The following ALK variants were observed in gnomAD, a reference collection of about 807,000 sequenced individuals.
The protein encoded by ALK is ALK receptor tyrosine kinase.
A neutral mutation model predicts 163.1 loss-of-function variants in ALK; 74 were observed. That is an observed-to-expected ratio of 0.45 (90% CI 0.38 to 0.55). The LOEUF is 0.55. Among genes scored for constraint, ALK ranks in the 20% least tolerant of loss-of-function variants. The probability of loss-of-function intolerance (pLI) is 0.00; values close to 1 mark genes in which losing one functional copy is unlikely to be tolerated. For missense variants in ALK, 2,063 were observed against 2,105.3 expected, an observed-to-expected ratio of 0.98 and a Z score of 0.39; for synonymous variants, 960 against 843.2, an observed-to-expected ratio of 1.14 and a Z score of -2.40.
intron 26 of ALK, among the ~76,000 whole-genome samples, chr2:29,204,978 C>G (rs575514768): frequency 6.6e-6 from 1 of 151,958 alleles, no homozygotes; most frequent in East Asian, 2.0e-4. Context: ...TCTCTTTTCC[C>G]CTCTGACCCA....
At chr2:29,383,645 A>T (rs1385421815) in intron 5 of ALK, 87 bp downstream of exon 5, 6 of 1,578,308 alleles carry the variant, frequency 3.8e-6, no homozygotes, top group Non-Finnish European at 5.2e-6. Context: ...ATAAGTGTGC[A>T]CATTCCCAGC....
intron 1 of ALK, among the ~76,000 whole-genome samples, chr2:29,889,403 C>T (rs568860539): frequency 6.6e-6 from 1 of 152,000 alleles, no homozygotes; most frequent in East Asian, 1.9e-4. Flanking sequence ...GAAATGTAAA[C>T]CTCTTGATAA....
chr2:29,329,999 G>A (rs1667392319), intron 5 of ALK, among the ~76,000 whole-genome samples: 1 of 152,198 alleles, frequency 6.6e-6, no homozygotes, highest in African/African-American at 2.4e-5. Context: ...AGGAGATGCT[G>A]GAGGTGGCCT....
chr2:29,245,467 C>T (rs1210918101), intron 12 of ALK, among the ~76,000 whole-genome samples: 1 of 148,144 alleles, frequency 6.8e-6, no homozygotes, highest in Non-Finnish European at 1.5e-5. Context: ...GGCTCCATGG[C>T]TCAGTGCCCT....
intron 4 of ALK, among the ~76,000 whole-genome samples, chr2:29,419,508 T>A (rs1219651475): frequency 2.0e-5 from 3 of 151,186 alleles, no homozygotes; most frequent in Admixed American, 6.6e-5. Context: ...TATAGAAAGG[T>A]TACAGAATTG....
chr2:29,408,282 G>T (rs1437705050), intron 4 of ALK, among the ~76,000 whole-genome samples: 4 of 151,714 alleles, frequency 2.6e-5, no homozygotes, highest in African/African-American at 9.7e-5. Context: ...TAGAGACAGG[G>T]TTCCACTGTG....
At chr2:29,684,797 A>G (rs1034135582) in intron 3 of ALK, among the ~76,000 whole-genome samples, 1 of 152,268 alleles carries the variant, frequency 6.6e-6, no homozygotes, top group African/African-American at 2.4e-5. Flanking sequence ...AGAGCTTGTC[A>G]TAATGGTAAG....
intron 1 of ALK, among the ~76,000 whole-genome samples, chr2:29,844,859 G>GCACACACACA (rs34706620): frequency 5.4e-5 from 8 of 148,750 alleles, no homozygotes; most frequent in East Asian, 2.0e-4. Flanking sequence ...TAACCCCCCT[G>GCACACACACA]CACACACACA....
intron 4 of ALK, among the ~76,000 whole-genome samples, chr2:29,449,999 G>A (rs994883653): frequency 7.2e-5 from 11 of 152,126 alleles, no homozygotes; most frequent in Admixed American, 5.9e-4. Context: ...TGGAGGAATA[G>A]GAAGACAAAG....
chr2:29,813,532 A>G (rs1050288155), intron 1 of ALK, among the ~76,000 whole-genome samples: 9 of 152,314 alleles, frequency 5.9e-5, no homozygotes, highest in Non-Finnish European at 1.2e-4. Flanking sequence ...GTCTCCCCCA[A>G]GACAGCCTGC....
In ALK at chr2:29,232,562, T is replaced by C. The variant is rs933412899; in HGVS notation, c.2488-114A>G. ...GGTTTGCTGTTTTGGGGTGACCTGG[T>C]GACCTCTCAGTGGTCTGAGGTGGTT... On this transcript the variant is annotated intron_variant, in intron 14 of 28. Transcript: ENST00000389048. 4.9e-6 allele frequency: 7 copies of C among 1,438,032 alleles called. No homozygotes were observed. The African/African-American group carries it at 9.8e-5, about 20-fold the overall frequency. 89.1% of individuals were successfully genotyped at this position (1,438,032 alleles called of 1,614,324 possible).
chr2:29,657,738 C>T lies in ALK; in HGVS notation c.952+37112G>A, dbSNP rs187035184. 3.8e-4 allele frequency among the ~76,000 whole-genome samples: 58 copies of T among 152,062 alleles called. 1 individual carries two copies. In the East Asian group the frequency reaches 7.2e-3, roughly 19 times the overall value. On this transcript the variant is annotated intron_variant, in intron 3 of 28. Coordinates refer to ENST00000389048, the MANE Select transcript of ALK (RefSeq NM_004304.5). ...CAATGAAAGACAACAAGTTAGGTCACGGTGGCTAAAGAGGAGACAATGATT... is the reference window on the plus strand; with the variant it reads ...CAATGAAAGACAACAAGTTAGGTCATGGTGGCTAAAGAGGAGACAATGATT...
chr2:29,671,185 T>A (rs1677674706), intron 3 of ALK, among the ~76,000 whole-genome samples: 4 of 152,108 alleles, frequency 2.6e-5, no homozygotes, highest in African/African-American at 4.8e-5. Context: ...GGTTGCTGCC[T>A]CCTTTTTGGT....
At chr2:29,194,427 C>T (rs945906398) in intron 28 of ALK, among the ~76,000 whole-genome samples, 2 of 152,076 alleles carry the variant, frequency 1.3e-5, no homozygotes, top group African/African-American at 4.8e-5. Context: ...TTTCCATTTC[C>T]ATTTGGGTAC....
chr2:29,445,372 T>G (rs983117009), intron 4 of ALK, among the ~76,000 whole-genome samples: 6 of 152,194 alleles, frequency 3.9e-5, no homozygotes, highest in Non-Finnish European at 8.8e-5. Flanking sequence ...ACCATAACTT[T>G]CAAATAACTG....
intron 4 of ALK, among the ~76,000 whole-genome samples, chr2:29,400,212 G>A (rs930441230): frequency 6.6e-6 from 1 of 152,104 alleles, no homozygotes; most frequent in African/African-American, 2.4e-5. Context: ...TTGAGCATGC[G>A]CATATACTCC....
intron 2 of ALK, among the ~76,000 whole-genome samples, chr2:29,708,143 C>T (rs899034223): frequency 5.9e-5 from 9 of 152,318 alleles, no homozygotes; most frequent in Non-Finnish European, 1.0e-4. Flanking sequence ...TCTCAGCTCA[C>T]GGCAACCTCC....
chr2:29,717,021 A>C (rs1014021549), intron 2 of ALK, among the ~76,000 whole-genome samples: 8 of 124,614 alleles, frequency 6.4e-5, no homozygotes, highest in Admixed American at 4.9e-4. Flanking sequence ...AAAAAAAAAA[A>C]ATTAGCCAGG....
At chr2:29,661,051 T>C (rs1338421922) in intron 3 of ALK, among the ~76,000 whole-genome samples, 1 of 152,156 alleles carries the variant, frequency 6.6e-6, no homozygotes, top group Non-Finnish European at 1.5e-5. Context: ...CCTTGTAACA[T>C]AGTTACGGAA....
Sources: gnomAD v4.1 joint callset for allele counts (sites outside exome capture counted in the v4.1 genomes callset) on GRCh38, gnomAD v4.1.1 for gene constraint, MANE v1.5 for transcripts, NCBI Gene and HGNC (gene_info 2026-07-23, HGNC 2026-07-21) for gene names.